Variants in PAX8 observed in about 807,000 individuals in gnomAD.
PAX8 encodes paired box 8.
In PAX8, 15 loss-of-function variants were observed where a neutral mutation model predicts 52.4. The observed-to-expected ratio is 0.29, with a 90% CI of 0.19 to 0.44. The LOEUF is 0.44. Among genes scored for constraint, PAX8 ranks in the 20% least tolerant of loss-of-function variants. The pLI is 1.00. For synonymous variants in PAX8, 284 were observed against 249.7 expected (o/e 1.14, Z -1.29); for missense variants, 554 against 602.5 (o/e 0.92, Z 0.84).
At chr2:113,252,084 G>A (rs1211355797) in intron 2 of PAX8, among the ~76,000 whole-genome samples, 6 of 152,052 alleles carry the variant, frequency 3.9e-5, no homozygotes, top group Non-Finnish European at 5.9e-5. Context: ...TATCTTTTGC[G>A]GCTCTGCCCA....
chr2:113,240,329 G>A (rs981090041), intron 7 of PAX8: 1 of 152,244 alleles, frequency 6.6e-6, no homozygotes, highest in East Asian at 1.9e-4. Context: ...GCCCAGCTGC[G>A]AGTGCTGGCA....
At chr2:113,234,430 C>T (rs1378344887) in intron 9 of PAX8, among the ~76,000 whole-genome samples, 1 of 152,238 alleles carries the variant, frequency 6.6e-6, no homozygotes. Flanking sequence ...TGGCAGGGAC[C>T]TTCTCCTCCC....
intron 9 of PAX8, among the ~76,000 whole-genome samples, chr2:113,229,814 G>A (rs1014847247): frequency 1.3e-5 from 2 of 152,186 alleles, no homozygotes; most frequent in Admixed American, 1.3e-4. Flanking sequence ...GGAGTGACAG[G>A]AAGTCTGTGA....
At chr2:113,229,612 G>C (rs140306275) in intron 9 of PAX8, among the ~76,000 whole-genome samples, 13 of 152,292 alleles carry the variant, frequency 8.5e-5, no homozygotes, top group African/African-American at 3.1e-4. Context: ...AGGTCATCAA[G>C]GGAACAAATG....
At chr2:113,233,698 A>G (rs1167358483) in intron 9 of PAX8, among the ~76,000 whole-genome samples, 1 of 151,884 alleles carries the variant, frequency 6.6e-6, no homozygotes, top group Non-Finnish European at 1.5e-5. Context: ...AAAACAAAAA[A>G]AAAAGGGTCC....
chr2:113,226,192 C>T (rs1689559931), intron 10 of PAX8: 1 of 985,288 alleles, frequency 1.0e-6, no homozygotes, highest in African/African-American at 1.7e-5. Flanking sequence ...AAGATTAACT[C>T]CTGCCGGCAA....
intron 9 of PAX8, 86 bp from the exon 10 acceptor site, chr2:113,227,342 A>G (rs1689643253): frequency 9.0e-7 from 1 of 1,105,004 alleles, no homozygotes; most frequent in Non-Finnish European, 1.3e-6. Flanking sequence ...GTCTTCCTCC[A>G]TGCCATTCCC....
chr2:113,224,223 T>C (rs1324050406), intron 10 of PAX8, among the ~76,000 whole-genome samples: 1 of 151,444 alleles, frequency 6.6e-6, no homozygotes, highest in Non-Finnish European at 1.5e-5. Flanking sequence ...AGATGGATGA[T>C]AGATAACTGA....
At chr2:113,248,733 C>A (rs537673592) in intron 2 of PAX8, among the ~76,000 whole-genome samples, 1 of 151,402 alleles carries the variant, frequency 6.6e-6, no homozygotes, top group Non-Finnish European at 1.5e-5. Flanking sequence ...CTGAGGCGGG[C>A]GGATCACCTG....
chr2:113,236,370 C>A, intron 8 of PAX8: 1 of 353,724 alleles, frequency 2.8e-6, no homozygotes, highest in East Asian at 4.6e-5. Flanking sequence ...ACCGGAGGCG[C>A]GACCCCTGGG....
chr2:113,228,930 C>G (rs1365830770), intron 9 of PAX8, among the ~76,000 whole-genome samples: 1 of 152,204 alleles, frequency 6.6e-6, no homozygotes, highest in Non-Finnish European at 1.5e-5. Context: ...ATCTCTCTTT[C>G]TGGAGATTCC....
At chr2:113,261,842 A>C (rs949307249) in intron 2 of PAX8, among the ~76,000 whole-genome samples, 5 of 151,078 alleles carry the variant, frequency 3.3e-5, no homozygotes, top group African/African-American at 9.7e-5. Context: ...TTTTTTAGAC[A>C]GAGTTTCACT....
At chr2:113,274,278 G>A (rs1047082002) in intron 2 of PAX8, 3 of 152,274 alleles carry the variant, frequency 2.0e-5, no homozygotes, top group South Asian at 2.1e-4. Context: ...TCCAAGATCC[G>A]GATCAGCCAG....
intron 6 of PAX8, 133 bp downstream of exon 6, chr2:113,241,875 A>C: frequency 7.0e-7 from 1 of 1,421,936 alleles, no homozygotes; most frequent in Non-Finnish European, 9.8e-7. Context: ...CAACTGAGGG[A>C]CAGGACATGT....
chr2:113,222,493 C>T (rs1018748812), intron 10 of PAX8, among the ~76,000 whole-genome samples: 6 of 152,198 alleles, frequency 3.9e-5, no homozygotes, highest in Non-Finnish European at 4.4e-5. Context: ...ATCTTCCCGT[C>T]ATCAGATGTG....
At chr2:113,236,497 C>T (rs1029061382) in intron 8 of PAX8, 104 bp downstream of exon 8, 123 of 1,352,916 alleles carry the variant, frequency 9.1e-5, no homozygotes, top group East Asian at 4.0e-4. Context: ...CGGCACAGCC[C>T]GCCTCTCCTC....
intron 2 of PAX8, among the ~76,000 whole-genome samples, chr2:113,253,009 T>G (rs1186465693): frequency 6.6e-6 from 1 of 152,236 alleles, no homozygotes; most frequent in Non-Finnish European, 1.5e-5. Flanking sequence ...GTGCTCAGCC[T>G]GCTCTGTGCC....
chr2:113,278,548 T>G (rs1467264673), intron 1 of PAX8, 79 bp from the exon 2 acceptor site: 10 of 1,222,138 alleles, frequency 8.2e-6, no homozygotes, highest in Non-Finnish European at 1.2e-5. Context: ...CCAGGCCTCA[T>G]CCTTTACACC....
rs1432873132 is a variant in PAX8 at position 113,227,815 on chromosome 2, CCT to C, written c.1088-561_1088-560del. ...CTAATCAACCACTATACCATTTCCC[CCT>C]GAGTAGAGGGGGCCTTCCAAGTGGA... On this transcript the variant is annotated intron_variant, in intron 9 of 11. Transcript: ENST00000429538. Among the ~76,000 whole-genome samples, 5 of 152,276 alleles carry C rather than the reference CCT, an allele frequency of 3.3e-5. No individual in the cohort carries two copies. The East Asian group carries it at 9.6e-4, about 29-fold the overall frequency.
Sources: allele counts gnomAD v4.1 joint callset (sites outside exome capture counted in the v4.1 genomes callset), GRCh38; gene constraint gnomAD v4.1.1; transcripts MANE v1.5; gene names NCBI Gene and HGNC (gene_info 2026-07-23, HGNC 2026-07-21).